Variants in RANBP17 observed in about 807,000 individuals in gnomAD.
The protein encoded by RANBP17 is ran-binding protein 17.
Under a neutral mutation model 141.2 loss-of-function variants are expected in RANBP17, and 158 were observed. That is an observed-to-expected ratio of 1.12 (90% CI 0.98 to 1.28). The LOEUF is 1.28. RANBP17 is among the 50% of genes most tolerant of loss of function. The pLI, the probability that RANBP17 is intolerant of heterozygous loss-of-function variation, is 0.00. For synonymous variants in RANBP17, 430 were observed against 450.0 expected, an observed-to-expected ratio of 0.96 and a Z score of 0.56; for missense variants, 1,438 against 1,290.7, an observed-to-expected ratio of 1.11 and a Z score of -1.75.
At chr5:170,985,712 G>A (rs1561958941) in intron 14 of RANBP17, among the ~76,000 whole-genome samples, 1 of 152,100 alleles carries the variant, frequency 6.6e-6, no homozygotes, top group Non-Finnish European at 1.5e-5. Context: ...CATTCCAATT[G>A]AAGGATGTCA....
At chr5:171,038,050 A>T (rs1350974620) in intron 14 of RANBP17, among the ~76,000 whole-genome samples, 2 of 152,124 alleles carry the variant, frequency 1.3e-5, no homozygotes, top group East Asian at 3.8e-4. Context: ...CCTCCAATCC[A>T]TGAGCATGCA....
At chr5:171,137,616 G>C (rs1403185014) in intron 14 of RANBP17, among the ~76,000 whole-genome samples, 8 of 144,010 alleles carry the variant, frequency 5.6e-5, no homozygotes, top group African/African-American at 2.1e-4. Context: ...CTGTGTGTGT[G>C]TGTGTGTGTC....
At chr5:170,888,147 G>A (rs182367582) in intron 3 of RANBP17, among the ~76,000 whole-genome samples, 19 of 152,278 alleles carry the variant, frequency 1.2e-4, no homozygotes, top group Middle Eastern at 6.8e-3. Flanking sequence ...CTTCGGTATT[G>A]TGTTGGCTAT....
chr5:171,056,924 A>G (rs1286938310), intron 14 of RANBP17, among the ~76,000 whole-genome samples: 1 of 152,174 alleles, frequency 6.6e-6, no homozygotes, highest in Non-Finnish European at 1.5e-5. Context: ...TTTATTCAGA[A>G]GGCAAACAAA....
chr5:170,929,181 A>G (rs1773150575), intron 12 of RANBP17, among the ~76,000 whole-genome samples: 1 of 152,128 alleles, frequency 6.6e-6, no homozygotes, highest in Non-Finnish European at 1.5e-5. Flanking sequence ...GTCTGCAAAT[A>G]AAGATAGTTT....
intron 14 of RANBP17, among the ~76,000 whole-genome samples, chr5:171,012,920 CTGTCG>C (rs1780162095): frequency 6.6e-6 from 1 of 152,062 alleles, no homozygotes; most frequent in South Asian, 2.1e-4. Context: ...TTAATTTCTC[CTGTCG>C]TGTTAAGATA....
intron 14 of RANBP17, among the ~76,000 whole-genome samples, chr5:171,072,510 G>A (rs978257241): frequency 1.3e-5 from 2 of 151,474 alleles, no homozygotes; most frequent in Non-Finnish European, 2.9e-5. Context: ...TATATGGATG[G>A]CAAACAAGGA....
chr5:171,024,156 A>C (rs1233294593), intron 14 of RANBP17, among the ~76,000 whole-genome samples: 1 of 152,210 alleles, frequency 6.6e-6, no homozygotes, highest in African/African-American at 2.4e-5. Context: ...GAAACATTTA[A>C]TAACTGCAAA....
intron 4 of RANBP17, among the ~76,000 whole-genome samples, chr5:170,893,559 C>T (rs1206458578): frequency 2.6e-5 from 4 of 151,846 alleles, no homozygotes; most frequent in Non-Finnish European, 4.4e-5. Flanking sequence ...TTTGGGAGGC[C>T]AAGGCGTGCG....
chr5:171,122,412 C>G (rs1271248502), intron 14 of RANBP17, among the ~76,000 whole-genome samples: 2 of 152,186 alleles, frequency 1.3e-5, no homozygotes, highest in East Asian at 3.8e-4. Context: ...TACAGGTGCC[C>G]TACACTCGCC....
intron 14 of RANBP17, among the ~76,000 whole-genome samples, chr5:171,013,708 G>A (rs963933546): frequency 1.3e-5 from 2 of 151,908 alleles, no homozygotes; most frequent in African/African-American, 2.4e-5. Flanking sequence ...CTCCAAATTC[G>A]ATATTCTTTT....
At position 171,065,930 on chromosome 5, in the gene RANBP17, G is replaced by A. The variant is rs571465894; in HGVS notation, c.1710+97553G>A. On this transcript the variant is annotated intron_variant, in intron 14 of 27. Coordinates refer to ENST00000523189, the MANE Select transcript of RANBP17 (RefSeq NM_022897.5). ...GATTGAAGTGCAGTGGTATGGTCTCGGTGCACTGCAGCCTCTGCCTCCCGG... is the reference window on the plus strand; with the variant it reads ...GATTGAAGTGCAGTGGTATGGTCTCAGTGCACTGCAGCCTCTGCCTCCCGG... 2.6e-5 allele frequency among the ~76,000 whole-genome samples: 4 copies of A among 151,498 alleles called. No homozygotes were observed. The East Asian group carries it at 7.8e-4, about 30-fold the overall frequency.
At chr5:171,171,677 T>A (rs1760112069) in intron 16 of RANBP17, among the ~76,000 whole-genome samples, 1 of 151,992 alleles carries the variant, frequency 6.6e-6, no homozygotes, top group Non-Finnish European at 1.5e-5. Context: ...TCTAAAAATA[T>A]TACCTTATAA....
At chr5:171,019,642 T>G (rs1326838073) in intron 14 of RANBP17, among the ~76,000 whole-genome samples, 3 of 152,154 alleles carry the variant, frequency 2.0e-5, no homozygotes, top group Non-Finnish European at 2.9e-5. Context: ...ATTTGATTCT[T>G]CTCTCTTTTC....
intron 14 of RANBP17, among the ~76,000 whole-genome samples, chr5:171,032,294 T>C (rs1781595048): frequency 1.3e-5 from 2 of 152,162 alleles, no homozygotes; most frequent in Admixed American, 1.3e-4. Context: ...AATGGGTAGA[T>C]ATGAATAATC....
intron 14 of RANBP17, among the ~76,000 whole-genome samples, chr5:171,021,533 T>C (rs1362302704): frequency 6.6e-6 from 1 of 152,226 alleles, no homozygotes; most frequent in Non-Finnish European, 1.5e-5. Flanking sequence ...ATCTTCAATC[T>C]CTGATATCTT....
intron 14 of RANBP17, among the ~76,000 whole-genome samples, chr5:170,977,469 A>G (rs963777578): frequency 4.6e-5 from 7 of 152,128 alleles, no homozygotes; most frequent in African/African-American, 1.7e-4. Context: ...TAGAGTTACC[A>G]TGATTCAGTA....
intron 24 of RANBP17, among the ~76,000 whole-genome samples, chr5:171,246,949 G>A (rs1311664136): frequency 6.6e-6 from 1 of 152,192 alleles, no homozygotes; most frequent in African/African-American, 2.4e-5. Context: ...CTACTTGGTT[G>A]TAAGCTTCTG....
chr5:170,972,505 C>A (rs1777063848), intron 14 of RANBP17, among the ~76,000 whole-genome samples: 1 of 151,814 alleles, frequency 6.6e-6, no homozygotes, highest in South Asian at 2.1e-4. Context: ...TTTTTTATTA[C>A]CATTTTTGAG....
Sources: gnomAD v4.1 joint callset for allele counts (sites outside exome capture counted in the v4.1 genomes callset) on GRCh38, gnomAD v4.1.1 for gene constraint, MANE v1.5 for transcripts, NCBI Gene and HGNC (gene_info 2026-07-23, HGNC 2026-07-21) for gene names.